WWOX: variants seen among roughly 807,000 people sequenced by gnomAD.
The protein encoded by WWOX is WW domain-containing oxidoreductase.
WWOX carries 69 observed loss-of-function variants against 46.2 expected under a neutral mutation model. The observed-to-expected ratio is 1.49, with a 90% CI of 1.23 to 1.82. The LOEUF (loss-of-function observed/expected upper bound fraction) is 1.82. WWOX is among the 40% of genes most tolerant of loss of function. WWOX has a pLI of 0.00. For synonymous variants in WWOX, 359 were observed against 202.6 expected (o/e 1.77, Z -6.56); for missense variants, 919 against 542.6 (o/e 1.69, Z -6.89).
At chr16:78,630,726 G>A (rs534348759) in intron 8 of WWOX, among the ~76,000 whole-genome samples, 6 of 152,270 alleles carry the variant, frequency 3.9e-5, no homozygotes, top group African/African-American at 1.4e-4. Flanking sequence ...CGTATGCTGA[G>A]TCTTATGAGT....
chr16:78,604,006 T>C (rs901598078), intron 8 of WWOX, among the ~76,000 whole-genome samples: 2 of 152,032 alleles, frequency 1.3e-5, no homozygotes, highest in Admixed American at 6.5e-5. Context: ...TAGTTGGCCA[T>C]GGTGGCACAC....
At chr16:79,104,314 T>C (rs1328216100) in intron 8 of WWOX, among the ~76,000 whole-genome samples, 2 of 152,218 alleles carry the variant, frequency 1.3e-5, no homozygotes, top group African/African-American at 4.8e-5. Context: ...CTGCTATTAC[T>C]GTTATTTCAT....
intron 5 of WWOX, among the ~76,000 whole-genome samples, chr16:78,180,506 A>G (rs1312133520): frequency 1.3e-5 from 2 of 151,968 alleles, no homozygotes; most frequent in African/African-American, 2.4e-5. Context: ...CTATTGGGCA[A>G]ATCCAGCTGC....
At chr16:78,369,508 C>T (rs867369835) in intron 5 of WWOX, among the ~76,000 whole-genome samples, 58 of 152,292 alleles carry the variant, frequency 3.8e-4, no homozygotes, top group African/African-American at 1.3e-3. Flanking sequence ...GCACAACATG[C>T]AACCAAGGAG....
At chr16:78,486,622 T>C (rs1043060200) in intron 8 of WWOX, among the ~76,000 whole-genome samples, 2 of 150,814 alleles carry the variant, frequency 1.3e-5, no homozygotes, top group South Asian at 2.1e-4. Context: ...TCGCCCAGGC[T>C]GGAGTGTAGT....
At chr16:79,009,907 C>G (rs1056419658) in intron 8 of WWOX, among the ~76,000 whole-genome samples, 3 of 152,158 alleles carry the variant, frequency 2.0e-5, no homozygotes, top group African/African-American at 7.2e-5. Flanking sequence ...TGGAACTTAT[C>G]AAGTTGAGAG....
chr16:78,329,829 C>T (rs2080715162), intron 5 of WWOX, among the ~76,000 whole-genome samples: 1 of 151,710 alleles, frequency 6.6e-6, no homozygotes, highest in Non-Finnish European at 1.5e-5. Flanking sequence ...TCACTGCAGC[C>T]TCAAACTCTT....
chr16:78,887,872 T>A (rs2151223729), intron 8 of WWOX, among the ~76,000 whole-genome samples: 1 of 152,304 alleles, frequency 6.6e-6, no homozygotes, highest in East Asian at 1.9e-4. Flanking sequence ...GTCCTGGTGT[T>A]CATTGAAAAT....
At chr16:78,288,834 G>A (rs2079812918) in intron 5 of WWOX, among the ~76,000 whole-genome samples, 1 of 152,096 alleles carries the variant, frequency 6.6e-6, no homozygotes, top group African/African-American at 2.4e-5. Context: ...TCAGTTAGGT[G>A]GGGGCTGCTA....
Position 79,211,763 on chromosome 16 carries a change from G to A in WWOX, c.1212G>A (p.Leu404=), listed in dbSNP as rs1597488668. 1 of 1,614,174 alleles carries A rather than the reference G, an allele frequency of 6.2e-7. No homozygotes were observed. The highest frequency in any genetic ancestry group is 8.5e-7 in the Non-Finnish European group (1 of 1,179,998). The change falls in exon 9 of 9, where the codon CTG becomes CTA. Residue 404 remains leucine, a synonymous_variant. Coordinates refer to ENST00000566780, the MANE Select transcript of WWOX (RefSeq NM_016373.4). ...ARTLWALSER[L]IQERLGSQSG is the part of the protein sequence containing the mutation. ...CCCTGTGGGCGCTCAGCGAGAGGCT[G>A]ATCCAAGAACGGCTTGGCAGCCAGT...
At chr16:78,109,668 TG>T in intron 2 of WWOX, 109 bp from the exon 3 acceptor site, 1 of 951,160 alleles carries the variant, frequency 1.1e-6, no homozygotes, top group Non-Finnish European at 1.6e-6. Flanking sequence ...AACTGCTGGG[TG>T]GGAGGGACAG....
At chr16:78,622,312 G>A (rs905084784) in intron 8 of WWOX, among the ~76,000 whole-genome samples, 1 of 152,028 alleles carries the variant, frequency 6.6e-6, no homozygotes, top group South Asian at 2.1e-4. Context: ...GGACGCCGAG[G>A]CAGGCAGATC....
chr16:78,919,643 G>T (rs149193901), intron 8 of WWOX, among the ~76,000 whole-genome samples: 42 of 149,414 alleles, frequency 2.8e-4, no homozygotes, highest in African/African-American at 9.6e-4. Flanking sequence ...TCATGCTCCC[G>T]AATAGCTGGG....
intron 8 of WWOX, among the ~76,000 whole-genome samples, chr16:79,098,265 G>C (rs1436411932): frequency 6.6e-6 from 1 of 152,174 alleles, no homozygotes; most frequent in African/African-American, 2.4e-5. Context: ...TCACATTTGG[G>C]GACTCCTTTT....
rs574199810 is a variant in WWOX, at chr16:78,560,107, C to T, written c.1056+127355C>T. 6.6e-5 allele frequency among the ~76,000 whole-genome samples: 10 copies of T among 152,244 alleles called. No homozygotes were observed. In the East Asian group the frequency reaches 1.9e-3, roughly 29 times the overall value. On this transcript the variant is annotated intron_variant, in intron 8 of 8. Transcript: ENST00000566780. ...ATTTTTTTCTCCCGTCTCTGCAGTTCAGGAGATTATATTAGAAAATATTCT... is the reference window on the plus strand; with the variant it reads ...ATTTTTTTCTCCCGTCTCTGCAGTTTAGGAGATTATATTAGAAAATATTCT...
intron 5 of WWOX, among the ~76,000 whole-genome samples, chr16:78,377,073 C>A (rs1190839383): frequency 2.0e-5 from 3 of 152,366 alleles, no homozygotes; most frequent in African/African-American, 7.2e-5. Flanking sequence ...TCTTTTATCA[C>A]TGACTTCCCC....
At chr16:78,865,342 G>C (rs2043980819) in intron 8 of WWOX, among the ~76,000 whole-genome samples, 1 of 151,978 alleles carries the variant, frequency 6.6e-6, no homozygotes, top group Non-Finnish European at 1.5e-5. Flanking sequence ...TTAAATGACT[G>C]ATTTCCTTAA....
chr16:78,745,862 G>T (rs527829824), intron 8 of WWOX, among the ~76,000 whole-genome samples: 3 of 137,580 alleles, frequency 2.2e-5, no homozygotes, highest in South Asian at 4.7e-4. Context: ...ATCTAGTTTG[G>T]AAAAAGCACA....
At chr16:78,986,890 A>T (rs1023155488) in intron 8 of WWOX, among the ~76,000 whole-genome samples, 2 of 151,982 alleles carry the variant, frequency 1.3e-5, no homozygotes, top group Non-Finnish European at 2.9e-5. Context: ...TGCGCAAGAG[A>T]CTCCTTTTGA....
Sources: allele counts gnomAD v4.1 joint callset (sites outside exome capture counted in the v4.1 genomes callset), GRCh38; gene constraint gnomAD v4.1.1; transcripts MANE v1.5; gene names NCBI Gene and HGNC (gene_info 2026-07-23, HGNC 2026-07-21).